The following CRPPA variants were observed in gnomAD, a reference collection of about 807,000 sequenced individuals.
CRPPA encodes CDP-L-ribitol pyrophosphorylase A.
Under a neutral mutation model 52.0 loss-of-function variants are expected in CRPPA, and 43 were observed. The observed-to-expected ratio is 0.83, with a 90% CI of 0.65 to 1.07. The LOEUF is 1.07. Among genes scored for constraint, CRPPA ranks in the 50% least tolerant of loss-of-function variants. The pLI is 0.00. For synonymous variants in CRPPA, 250 were observed against 203.5 expected, an observed-to-expected ratio of 1.23 and a Z score of -1.94; for missense variants, 629 against 551.7, an observed-to-expected ratio of 1.14 and a Z score of -1.40.
chr7:16,097,390 A>T (rs1781957434), intron 9 of CRPPA, among the ~76,000 whole-genome samples: 1 of 152,158 alleles, frequency 6.6e-6, no homozygotes, highest in Non-Finnish European at 1.5e-5. Context: ...AAATTATCAG[A>T]CTGAATTATT....
At chr7:16,130,371 G>T (rs190641793) in intron 9 of CRPPA, among the ~76,000 whole-genome samples, 1 of 152,096 alleles carries the variant, frequency 6.6e-6, no homozygotes, top group African/African-American at 2.4e-5. Context: ...GCTGGGAAAT[G>T]CTATTCCAAA....
chr7:16,226,302 C>G (rs957620596), intron 8 of CRPPA, among the ~76,000 whole-genome samples: 1 of 151,726 alleles, frequency 6.6e-6, no homozygotes, highest in African/African-American at 2.4e-5. Context: ...AAAAGAATGA[C>G]CATAGACAAA....
chr7:16,162,983 T>G (rs1332224239), intron 9 of CRPPA, among the ~76,000 whole-genome samples: 2 of 146,684 alleles, frequency 1.4e-5, no homozygotes, highest in East Asian at 3.9e-4. Flanking sequence ...CTTTTTTTTT[T>G]TTTTTTTTGA....
chr7:16,386,412 C>T (rs968551312), intron 2 of CRPPA, among the ~76,000 whole-genome samples: 1 of 152,162 alleles, frequency 6.6e-6, no homozygotes, highest in Non-Finnish European at 1.5e-5. Context: ...GGTGTGAAAA[C>T]AGGAAAGTCT....
intron 5 of CRPPA, among the ~76,000 whole-genome samples, chr7:16,288,847 A>T (rs1337686543): frequency 7.3e-6 from 1 of 136,538 alleles, no homozygotes; most frequent in African/African-American, 3.2e-5. Context: ...CTCTGCCTCA[A>T]AAAAAAAAAA....
intron 5 of CRPPA, among the ~76,000 whole-genome samples, chr7:16,281,677 C>G (rs546272908): frequency 6.6e-6 from 1 of 152,270 alleles, no homozygotes; most frequent in South Asian, 2.1e-4. Context: ...GGTGTCATGT[C>G]TTCTTTTGAG....
chr7:16,351,225 T>C (rs1029492053), intron 3 of CRPPA, among the ~76,000 whole-genome samples: 3 of 152,046 alleles, frequency 2.0e-5, no homozygotes, highest in African/African-American at 7.2e-5. Flanking sequence ...AACTGAAACT[T>C]AAGCCCTTCT....
intron 5 of CRPPA, among the ~76,000 whole-genome samples, chr7:16,297,636 C>A (rs1784702037): frequency 6.6e-6 from 1 of 152,190 alleles, no homozygotes; most frequent in Admixed American, 6.5e-5. Flanking sequence ...CCAAAAAGTT[C>A]TTAAAACCAT....
chr7:16,377,085 C>A (rs1465179293), intron 2 of CRPPA, among the ~76,000 whole-genome samples: 1 of 152,154 alleles, frequency 6.6e-6, no homozygotes, highest in Non-Finnish European at 1.5e-5. Context: ...ACAAGTAAAA[C>A]AAATGTCTTC....
Position 16,301,895 on chromosome 7 carries a change from G to C in CRPPA, c.790-429C>G, listed in dbSNP as rs76784063. 6.8e-3 allele frequency among the ~76,000 whole-genome samples: 1,030 copies of C among 152,240 alleles called. 15 individuals carry two copies. Among genetic ancestry groups the C allele is most frequent in the African/African-American group, 0.024 (1,007 of 41,540 alleles). ...ATTCTGAAAGGTCAATTTATGTTAA[G>C]AGGGACTTCCTTCTGAATTACATAT... On this transcript the variant is annotated intron_variant, in intron 4 of 9. Coordinates refer to ENST00000407010, the MANE Select transcript of CRPPA (RefSeq NM_001101426.4).
At chr7:16,370,910 C>A (rs537309744) in intron 3 of CRPPA, among the ~76,000 whole-genome samples, 9 of 152,196 alleles carry the variant, frequency 5.9e-5, no homozygotes, top group Admixed American at 2.0e-4. Context: ...AGAAGGGGCA[C>A]TCCTGGATTC....
At chr7:16,289,836 C>A (rs892968911) in intron 5 of CRPPA, among the ~76,000 whole-genome samples, 2 of 151,846 alleles carry the variant, frequency 1.3e-5, no homozygotes, top group African/African-American at 4.8e-5. Flanking sequence ...AACAATCAGG[C>A]AAGAGAAAGA....
chr7:16,104,062 C>A (rs1473640312), intron 9 of CRPPA, among the ~76,000 whole-genome samples: 1 of 152,082 alleles, frequency 6.6e-6, no homozygotes, highest in Non-Finnish European at 1.5e-5. Context: ...TGGTTAATGA[C>A]TATTAGGCTT....
intron 9 of CRPPA, among the ~76,000 whole-genome samples, chr7:16,099,412 G>T: frequency 7.3e-6 from 1 of 136,202 alleles, no homozygotes; most frequent in East Asian, 2.2e-4. Flanking sequence ...GGGGAGGGAA[G>T]GGGAGGGGAG....
intron 2 of CRPPA, among the ~76,000 whole-genome samples, chr7:16,393,389 G>A (rs1787490603): frequency 2.6e-5 from 4 of 152,036 alleles, no homozygotes; most frequent in African/African-American, 7.2e-5. Flanking sequence ...GACAGGGTAC[G>A]AAAACAGACC....
chr7:16,172,191 A>G (rs1012402), intron 9 of CRPPA, among the ~76,000 whole-genome samples: 126,305 of 152,136 alleles, frequency 0.83, 52,950 homozygotes, highest in Admixed American at 0.9. Flanking sequence ...GAGACACTGC[A>G]GAGTTTCCCC....
At chr7:16,275,425 G>C (rs563191456) in intron 6 of CRPPA, among the ~76,000 whole-genome samples, 1 of 152,260 alleles carries the variant, frequency 6.6e-6, no homozygotes, top group South Asian at 2.1e-4. Flanking sequence ...TGGACCAAGG[G>C]AGGTGCACTA....
chr7:16,088,441 G>A lies in CRPPA; in HGVS notation c.*3254C>T, dbSNP rs185506130. On this transcript the variant is annotated 3_prime_UTR_variant, in exon 10 of 10. Transcript: ENST00000407010. ...TTTTTTTTTTTTTTTTTTTTGAGAC[G>A]GAGTCTTGCTCTGTTGCCCAGGCTG... 9.0e-5 allele frequency: 11 copies of A among 122,486 alleles called. No individual in the cohort carries two copies. The highest frequency in any genetic ancestry group is 1.2e-4 in the African/African-American group (4 of 32,990). The allele number at this position is 122,486 out of a possible 1,614,324, so 7.6% of individuals were successfully genotyped here. A position where few individuals can be genotyped will look rare whatever the true frequency, so the allele number is the denominator to read the frequency against.
At chr7:16,289,401 T>A (rs1784515296) in intron 5 of CRPPA, among the ~76,000 whole-genome samples, 1 of 151,720 alleles carries the variant, frequency 6.6e-6, no homozygotes, top group Non-Finnish European at 1.5e-5. Flanking sequence ...GAATACAACA[T>A]AAAAATAAAG....
Sources: gnomAD v4.1 joint callset for allele counts (sites outside exome capture counted in the v4.1 genomes callset) on GRCh38, gnomAD v4.1.1 for gene constraint, MANE v1.5 for transcripts, NCBI Gene and HGNC (gene_info 2026-07-23, HGNC 2026-07-21) for gene names.